DPYD: variants seen among roughly 807,000 people sequenced by gnomAD.
DPYD encodes dihydropyrimidine dehydrogenase.
In DPYD, 109 loss-of-function variants were observed where a neutral mutation model predicts 116.2. The observed-to-expected ratio is 0.94, with a 90% confidence interval of 0.80 to 1.10. The LOEUF is 1.10. Ranked by LOEUF, DPYD falls within the 50% of genes least tolerant of loss-of-function variation. DPYD has a pLI of 0.00. For synonymous variants in DPYD, 440 were observed against 432.0 expected (o/e 1.02, Z -0.23); for missense variants, 1,302 against 1,254.5 (o/e 1.04, Z -0.57).
intron 1 of DPYD, among the ~76,000 whole-genome samples, chr1:97,886,723 A>T (rs568468573): frequency 6.6e-6 from 1 of 152,072 alleles, no homozygotes; most frequent in South Asian, 2.1e-4. Context: ...GGAAGTTCAA[A>T]CCTAAGAGTA....
chr1:97,191,076 A>T (rs1296636840), intron 20 of DPYD, among the ~76,000 whole-genome samples: 3 of 148,892 alleles, frequency 2.0e-5, no homozygotes, highest in Non-Finnish European at 4.4e-5. Flanking sequence ...ACACATACAC[A>T]CGTACATACA....
chr1:97,650,793 T>C (rs913398156), intron 8 of DPYD, among the ~76,000 whole-genome samples: 1 of 152,070 alleles, frequency 6.6e-6, no homozygotes, highest in African/African-American at 2.4e-5. Context: ...TACTTGTTCC[T>C]TGAAAAAAAT....
intron 18 of DPYD, among the ~76,000 whole-genome samples, chr1:97,269,063 A>G (rs2100883214): frequency 6.6e-6 from 1 of 152,252 alleles, no homozygotes; most frequent in South Asian, 2.1e-4. Context: ...TTGCTTAGAT[A>G]TTTATCCTGC....
intron 12 of DPYD, among the ~76,000 whole-genome samples, chr1:97,527,848 G>A (rs1649268182): frequency 6.7e-6 from 1 of 150,166 alleles, no homozygotes; most frequent in Non-Finnish European, 1.5e-5. Context: ...CAATACTAGT[G>A]GTAGTGTTTG....
chr1:97,223,962 C>T (rs1660946428), intron 19 of DPYD, among the ~76,000 whole-genome samples: 1 of 151,806 alleles, frequency 6.6e-6, no homozygotes, highest in Admixed American at 6.6e-5. Context: ...ATTTCAAGAC[C>T]TCAAGAGTTT....
intron 2 of DPYD, among the ~76,000 whole-genome samples, chr1:97,833,431 T>C (rs890818579): frequency 1.3e-5 from 2 of 152,168 alleles, no homozygotes; most frequent in Admixed American, 6.5e-5. Context: ...AAGAGATGAC[T>C]ATGAGTTTGT....
chr1:97,380,127 G>A (rs1035306611), intron 15 of DPYD, among the ~76,000 whole-genome samples: 4 of 152,138 alleles, frequency 2.6e-5, no homozygotes, highest in Admixed American at 2.0e-4. Flanking sequence ...ATTCAAGATC[G>A]ACTACACTGG....
intron 20 of DPYD, among the ~76,000 whole-genome samples, chr1:97,148,255 G>GTGT (rs1557893168): frequency 2.2e-5 from 3 of 135,880 alleles, no homozygotes; most frequent in Non-Finnish European, 4.5e-5. Context: ...TGTGTGTGTG[G>GTGT]GGGGGGTGTG....
intron 1 of DPYD, among the ~76,000 whole-genome samples, chr1:97,918,750 T>C (rs901612060): frequency 3.3e-5 from 5 of 152,220 alleles, no homozygotes; most frequent in African/African-American, 1.2e-4. Context: ...GAGTAGGTTG[T>C]TATCATCACC....
chr1:97,865,020 T>C (rs1039071302), intron 2 of DPYD, among the ~76,000 whole-genome samples: 4 of 151,774 alleles, frequency 2.6e-5, no homozygotes, highest in African/African-American at 4.8e-5. Context: ...ACCTAGGCTA[T>C]GTGTTTGTAG....
chr1:97,671,636 T>C (rs1181935500), intron 8 of DPYD, among the ~76,000 whole-genome samples: 1 of 152,148 alleles, frequency 6.6e-6, no homozygotes, highest in Non-Finnish European at 1.5e-5. Flanking sequence ...TTTCTTTTTT[T>C]TCTTTTTCCA....
chr1:97,850,556 T>A (rs1053700184), intron 2 of DPYD, among the ~76,000 whole-genome samples: 1 of 150,680 alleles, frequency 6.6e-6, no homozygotes, highest in African/African-American at 2.4e-5. Flanking sequence ...TGGAGTAGAA[T>A]CCGGTTTTAA....
chr1:97,867,504 A>G (rs1671444617), intron 2 of DPYD, among the ~76,000 whole-genome samples: 1 of 151,920 alleles, frequency 6.6e-6, no homozygotes, highest in Non-Finnish European at 1.5e-5. Context: ...TCAACAGCAC[A>G]TTAAAAGGAC....
intron 19 of DPYD, among the ~76,000 whole-genome samples, chr1:97,219,524 T>A (rs1660646814): frequency 6.6e-6 from 1 of 152,102 alleles, no homozygotes; most frequent in Non-Finnish European, 1.5e-5. Flanking sequence ...AAGTGATGAA[T>A]TTGAGTTGAT....
At chr1:97,233,039 C>T (rs1408861273) in intron 19 of DPYD, among the ~76,000 whole-genome samples, 1 of 152,112 alleles carries the variant, frequency 6.6e-6, no homozygotes, top group African/African-American at 2.4e-5. Flanking sequence ...TTTCTGCTAG[C>T]TTTCCTTGGT....
In DPYD at chr1:97,078,496, A is replaced by G; in HGVS notation, c.*480T>C. Reference sequence around the variant, plus strand: ...TCTTCATTTGTACTTTATGGAGCTAACTACATTTTCTTAGAAACAGCATTA... The same window carrying G: ...TCTTCATTTGTACTTTATGGAGCTAGCTACATTTTCTTAGAAACAGCATTA... On this transcript the variant is annotated 3_prime_UTR_variant, in exon 23 of 23. Coordinates refer to ENST00000370192, the MANE Select transcript of DPYD (RefSeq NM_000110.4). The G allele has an allele frequency of 5.3e-6, 1 of 186,994 alleles. No homozygotes were observed. Among genetic ancestry groups the G allele is most frequent in the Non-Finnish European group, 1.1e-5 (1 of 88,644 alleles). The allele number at this position is 186,994 out of a possible 1,614,324, so 11.6% of individuals were successfully genotyped here. A position where few individuals can be genotyped will look rare whatever the true frequency, so the allele number is the denominator to read the frequency against.
intron 4 of DPYD, among the ~76,000 whole-genome samples, chr1:97,724,303 GGGGGGTGTGTGTGT>G (rs1663101526): frequency 2.8e-4 from 4 of 14,466 alleles, no homozygotes; most frequent in African/African-American, 1.1e-3. Context: ...TGGGGGGGGG[GGGGGGTGTGTGTGT>G]GTGTGTGTGT....
In DPYD at chr1:97,324,932, C is replaced by T. The variant is rs115128286; in HGVS notation, c.2059-18635G>A. ...GAAGTTAAATTAAAATATGATCTCC[C>T]TTTCATTCTCAATACCTGCATGATT... On this transcript the variant is annotated intron_variant, in intron 16 of 22. Coordinates refer to ENST00000370192, the MANE Select transcript of DPYD (RefSeq NM_000110.4). Among the ~76,000 whole-genome samples, 1,353 of 152,116 alleles carry T rather than the reference C, an allele frequency of 8.9e-3. 20 individuals are homozygous for T. Among genetic ancestry groups the T allele is most frequent in the African/African-American group, 0.03 (1,228 of 41,532 alleles).
intron 11 of DPYD, among the ~76,000 whole-genome samples, chr1:97,566,996 C>T (rs985473795): frequency 7.2e-5 from 11 of 151,980 alleles, no homozygotes; most frequent in African/African-American, 2.2e-4. Flanking sequence ...TAATATAATG[C>T]CAACATTAAA....
Sources: allele counts gnomAD v4.1 joint callset (sites outside exome capture counted in the v4.1 genomes callset), GRCh38; gene constraint gnomAD v4.1.1; transcripts MANE v1.5; gene names NCBI Gene and HGNC (gene_info 2026-07-23, HGNC 2026-07-21).